COL26A1: variants seen among roughly 807,000 people sequenced by gnomAD.
COL26A1 encodes the protein collagen type XXVI alpha 1 chain.
Under a neutral mutation model 59.3 loss-of-function variants are expected in COL26A1, and 41 were observed. The observed-to-expected ratio is 0.69, with a 90% CI of 0.54 to 0.90. The LOEUF (loss-of-function observed/expected upper bound fraction) is 0.90. Among genes scored for constraint, COL26A1 ranks in the 40% least tolerant of loss-of-function variants. The probability of loss-of-function intolerance (pLI) is 0.00; values close to 1 mark genes in which losing one functional copy is unlikely to be tolerated. For missense variants in COL26A1, 612 were observed against 602.3 expected (o/e 1.02, Z -0.17); for synonymous variants, 266 against 256.0 (o/e 1.04, Z -0.37).
At chr7:101,532,321 C>T (rs913893014) in intron 3 of COL26A1, among the ~76,000 whole-genome samples, 2 of 152,024 alleles carry the variant, frequency 1.3e-5, no homozygotes, top group Non-Finnish European at 2.9e-5. Context: ...GAATTTCACC[C>T]GCCTAAGACC....
intron 1 of COL26A1, among the ~76,000 whole-genome samples, chr7:101,410,348 G>T (rs559094113): frequency 1.9e-4 from 29 of 152,222 alleles, no homozygotes; most frequent in African/African-American, 6.7e-4. Context: ...AAAAATAGTG[G>T]GTTCTTGTTT....
chr7:101,475,278 T>A (rs1159195967), intron 3 of COL26A1, among the ~76,000 whole-genome samples: 2 of 125,524 alleles, frequency 1.6e-5, no homozygotes, highest in Admixed American at 7.1e-5. Flanking sequence ...TGTCCCTGTG[T>A]CCTCAGAGAC....
intron 2 of COL26A1, among the ~76,000 whole-genome samples, chr7:101,428,426 T>C (rs967852342): frequency 6.6e-6 from 1 of 151,738 alleles, no homozygotes; most frequent in Admixed American, 6.6e-5. Flanking sequence ...GGAGTATGCA[T>C]GCATCGTAAA....
chr7:101,400,210 A>G (rs746980106), intron 1 of COL26A1, among the ~76,000 whole-genome samples: 1 of 152,134 alleles, frequency 6.6e-6, no homozygotes, highest in African/African-American at 2.4e-5. Flanking sequence ...AAAGGCCCAG[A>G]TGTGGAGAGA....
At chr7:101,387,762 A>ATTT (rs1562958252) in intron 1 of COL26A1, among the ~76,000 whole-genome samples, 1 of 31,002 alleles carries the variant, frequency 3.2e-5, no homozygotes, top group African/African-American at 8.7e-5. Context: ...ATTTATATAT[A>ATTT]TATATATATA....
intron 3 of COL26A1, among the ~76,000 whole-genome samples, chr7:101,470,744 G>A (rs551170309): frequency 2.6e-5 from 4 of 151,978 alleles, no homozygotes; most frequent in Non-Finnish European, 4.4e-5. Flanking sequence ...ATGGGGTCTC[G>A]TTACATAGGC....
At chr7:101,440,322 C>T (rs1793023753) in intron 2 of COL26A1, among the ~76,000 whole-genome samples, 1 of 152,026 alleles carries the variant, frequency 6.6e-6, no homozygotes, top group Non-Finnish European at 1.5e-5. Flanking sequence ...GCTGAGATCG[C>T]GTCACTACAC....
chr7:101,429,748 A>G (rs1792737453), intron 2 of COL26A1, among the ~76,000 whole-genome samples: 1 of 151,658 alleles, frequency 6.6e-6, no homozygotes, highest in Non-Finnish European at 1.5e-5. Context: ...ACATGCCACC[A>G]TGCCCAGATA....
intron 1 of COL26A1, among the ~76,000 whole-genome samples, chr7:101,378,729 T>G (rs1381773318): frequency 6.6e-6 from 1 of 152,050 alleles, no homozygotes; most frequent in Non-Finnish European, 1.5e-5. Flanking sequence ...CTGTCTTTGT[T>G]TGCAAGAATT....
chr7:101,445,731 CAAAAAAA>C (rs138245779), intron 2 of COL26A1, among the ~76,000 whole-genome samples: 1 of 38,444 alleles, frequency 2.6e-5, no homozygotes, highest in Non-Finnish European at 4.3e-5. Flanking sequence ...GACTCCGTCT[CAAAAAAA>C]AAAAAAAAAA....
At chr7:101,474,837 A>G (rs1467726766) in intron 3 of COL26A1, among the ~76,000 whole-genome samples, 1 of 152,202 alleles carries the variant, frequency 6.6e-6, no homozygotes, top group Admixed American at 6.5e-5. Flanking sequence ...AGACCTGTGT[A>G]TTTTTATGCT....
chr7:101,425,471 G>A (rs1792622325), intron 2 of COL26A1, among the ~76,000 whole-genome samples: 1 of 152,098 alleles, frequency 6.6e-6, no homozygotes. Flanking sequence ...AGGTTAGGAG[G>A]ATGAAATCAG....
At chr7:101,506,060 A>G (rs1399621538) in intron 3 of COL26A1, among the ~76,000 whole-genome samples, 3 of 152,172 alleles carry the variant, frequency 2.0e-5, no homozygotes, top group Non-Finnish European at 4.4e-5. Context: ...ACAGCCCTTG[A>G]ATTCTCCTTC....
At chr7:101,472,208 C>T (rs866547408) in intron 3 of COL26A1, among the ~76,000 whole-genome samples, 11 of 151,694 alleles carry the variant, frequency 7.3e-5, no homozygotes, top group Middle Eastern at 3.4e-3. Flanking sequence ...GGTTTCACCA[C>T]GTTGCCAGGC....
At chr7:101,406,167 A>G (rs1464866237) in intron 1 of COL26A1, among the ~76,000 whole-genome samples, 1 of 152,218 alleles carries the variant, frequency 6.6e-6, no homozygotes, top group Admixed American at 6.5e-5. Flanking sequence ...TGGAGATTTC[A>G]GATCATCTTT....
intron 1 of COL26A1, among the ~76,000 whole-genome samples, chr7:101,402,656 TTCCTTC>T (rs1364959159): frequency 3.0e-3 from 296 of 100,062 alleles, no homozygotes; most frequent in African/African-American, 0.011. Flanking sequence ...CCTTCCTTCC[TTCCTTC>T]CCTCCCTCCC....
chr7:101,380,163 TG>T (rs1421500868), intron 1 of COL26A1, among the ~76,000 whole-genome samples: 27 of 152,196 alleles, frequency 1.8e-4, no homozygotes, highest in Admixed American at 1.8e-3. Context: ...GGCTAATTTT[TG>T]TATTTTTAGT....
At position 101,447,580 on chromosome 7, in the gene COL26A1, C is replaced by T. The variant is rs541354714; in HGVS notation, c.282-104C>T. The T allele has an allele frequency of 1.8e-4, 134 of 763,702 alleles. 1 individual carries two copies. In the East Asian group the frequency reaches 2.6e-3, roughly 15 times the overall value. The allele number at this position is 763,702 out of a possible 1,614,324, so 47.3% of individuals were successfully genotyped here. ...TGGTTTCCACGCCATGGGGGCCTCC[C>T]GGAGCCCTGGCTGGGCAAAACAGCC... On this transcript the variant is annotated intron_variant, in intron 2 of 12. Transcript: ENST00000313669.
intron 6 of COL26A1, 122 bp from the exon 7 acceptor site, chr7:101,545,216 C>A: frequency 2.4e-6 from 2 of 835,720 alleles, no homozygotes; most frequent in Non-Finnish European, 3.6e-6. Context: ...GAGGTCACCA[C>A]TGACTGCCTG....
Sources: gnomAD v4.1 joint callset for allele counts (sites outside exome capture counted in the v4.1 genomes callset) on GRCh38, gnomAD v4.1.1 for gene constraint, MANE v1.5 for transcripts, NCBI Gene and HGNC (gene_info 2026-07-23, HGNC 2026-07-21) for gene names.